FBXL18: variants seen among roughly 807,000 people sequenced by gnomAD.
FBXL18 encodes F-box and leucine rich repeat protein 18.
Under a neutral mutation model 46.0 loss-of-function variants are expected in FBXL18, and 36 were observed. The ratio of observed to expected loss-of-function variants is 0.78; its 90% CI spans 0.60 to 1.03. The LOEUF is 1.03. Among genes scored for constraint, FBXL18 ranks in the 50% least tolerant of loss-of-function variants. The probability of loss-of-function intolerance (pLI) is 0.00; values close to 1 mark genes in which losing one functional copy is unlikely to be tolerated. For synonymous variants in FBXL18, 557 were observed against 465.3 expected, an observed-to-expected ratio of 1.20 and a Z score of -2.54; for missense variants, 977 against 1,004.1, an observed-to-expected ratio of 0.97 and a Z score of 0.36.
At position 5,481,538 on chromosome 7, in the gene FBXL18, C is replaced by A; in HGVS notation, c.*237G>T. The A allele has an allele frequency of 2.1e-6, 1 of 471,368 alleles. No individual in the cohort carries two copies. The highest frequency in any genetic ancestry group is 2.3e-5 in the South Asian group (1 of 44,326). The allele number at this position is 471,368 out of a possible 1,614,324, so 29.2% of individuals were successfully genotyped here. On this transcript the variant is annotated 3_prime_UTR_variant, in exon 5 of 5. Transcript: ENST00000382368. ...GCCTGGTTCAGCCAGCCCCCCACAT[C>A]GACCGTCCCCCGAGCCCCCTCATGT...
intron 1 of FBXL18, among the ~76,000 whole-genome samples, chr7:5,512,966 C>T (rs888991643): frequency 2.0e-5 from 3 of 152,132 alleles, no homozygotes; most frequent in Non-Finnish European, 4.4e-5. Context: ...CGATCTGAGA[C>T]CTGAAAGGTG....
chr7:5,464,345 G>T (rs548428918), intron 4 of FBXL18, among the ~76,000 whole-genome samples: 1 of 152,132 alleles, frequency 6.6e-6, no homozygotes, highest in South Asian at 2.1e-4. Context: ...CAGGCATGGT[G>T]GCGCACATCT....
At chr7:5,473,480 T>G (rs1044245274), downstream of FBXL18, among the ~76,000 whole-genome samples, 1 of 152,062 alleles carries the variant, frequency 6.6e-6, no homozygotes, top group East Asian at 1.9e-4. Flanking sequence ...AGAGCACAAG[T>G]GCCGGGTGCG....
At chr7:5,513,516 G>T in intron 1 of FBXL18, 141 bp downstream of exon 1, 1 of 963,138 alleles carries the variant, frequency 1.0e-6, no homozygotes, top group Non-Finnish European at 1.6e-6. Context: ...CAGGGGCAAG[G>T]CCAGGGTCAG....
chr7:5,499,772 G>A (rs147851344), intron 3 of FBXL18, among the ~76,000 whole-genome samples: 90 of 150,850 alleles, frequency 6.0e-4, no homozygotes, highest in Admixed American at 4.8e-3. Context: ...CAAAGATGGA[G>A]GCCAAGGGTG....
At chr7:5,498,769 T>C (rs1227144817) in intron 3 of FBXL18, among the ~76,000 whole-genome samples, 1 of 151,992 alleles carries the variant, frequency 6.6e-6, no homozygotes, top group East Asian at 1.9e-4. Flanking sequence ...AACAGAGTTT[T>C]ACCATGTTGG....
At chr7:5,462,545 G>C (rs944250554) in intron 4 of FBXL18, among the ~76,000 whole-genome samples, 6 of 152,284 alleles carry the variant, frequency 3.9e-5, no homozygotes, top group African/African-American at 1.4e-4. Context: ...ATGGATTGTG[G>C]CCAAATGAGG....
intron 2 of FBXL18, among the ~76,000 whole-genome samples, chr7:5,504,052 A>C (rs1429741379): frequency 3.3e-5 from 5 of 151,132 alleles, no homozygotes; most frequent in Non-Finnish European, 4.4e-5. Context: ...ACAAAGCTTC[A>C]TGGAGAGGAG....
At chr7:5,462,831 G>T (rs1783267079) in intron 4 of FBXL18, among the ~76,000 whole-genome samples, 1 of 148,934 alleles carries the variant, frequency 6.7e-6, no homozygotes, top group Admixed American at 6.8e-5. Context: ...GGCGCCTATA[G>T]TCCCAGCTAC....
chr7:5,507,084 A>T lies in FBXL18; in HGVS notation c.19-1454T>A, dbSNP rs1431558116. ...TCTGTAAAGACCACGCCGAGGAGAG[A>T]GTGCCCGGAATCATCTCCACTACAT... On this transcript the variant is annotated intron_variant, in intron 1 of 4. Transcript: ENST00000382368. Among the ~76,000 whole-genome samples the T allele has an allele frequency of 5.9e-5, 9 of 152,056 alleles. No individual in the cohort carries two copies. The East Asian group carries it at 1.7e-3, about 29-fold the overall frequency.
downstream of FBXL18, among the ~76,000 whole-genome samples, chr7:5,471,217 G>A (rs1783421904): frequency 6.6e-6 from 1 of 152,190 alleles, no homozygotes; most frequent in South Asian, 2.1e-4. Flanking sequence ...GGCAGCCAAA[G>A]CCTCTCGAGC....
Position 5,501,459 on chromosome 7 carries a change from A to G in FBXL18, c.810T>C (p.Pro270=), listed in dbSNP as rs1375041947. 6.2e-6 allele frequency: 10 copies of G among 1,613,580 alleles called. No individual in the cohort carries two copies. Among genetic ancestry groups the G allele is most frequent in the Non-Finnish European group, 8.5e-6 (10 of 1,180,026 alleles). The change falls in exon 3 of 5, where the codon CCT becomes CCC. Residue 270 remains proline (P), a synonymous_variant. Transcript: ENST00000382368. The part of the protein sequence containing the change: ...QNLHAFLISV[P]GSFAESGATK... ...TGGCGCCGCTCTCCGCGAAGCTGCC[A>G]GGGACGGAGATGAGGAAGGCGTGGA...
chr7:5,508,221 G>A (rs1284700702), intron 1 of FBXL18, among the ~76,000 whole-genome samples: 6 of 148,672 alleles, frequency 4.0e-5, no homozygotes, highest in Middle Eastern at 3.5e-3. Flanking sequence ...AGCTGAGATC[G>A]CGCCACTGCA....
chr7:5,506,870 G>A (rs190358531), intron 1 of FBXL18, among the ~76,000 whole-genome samples: 7 of 152,332 alleles, frequency 4.6e-5, no homozygotes, highest in Admixed American at 2.0e-4. Context: ...TTCCATTGCT[G>A]TAGTTCATAT....
intron 2 of FBXL18, among the ~76,000 whole-genome samples, chr7:5,503,812 C>G (rs531317702): frequency 2.6e-5 from 4 of 152,002 alleles, no homozygotes; most frequent in African/African-American, 9.6e-5. Context: ...ACTAGAAATA[C>G]AAAAATTAGC....
rs1195595456 is a variant in FBXL18, at chr7:5,479,123, A to G, written c.*2652T>C. On this transcript the variant is annotated 3_prime_UTR_variant, in exon 5 of 5. Transcript: ENST00000382368. The stretch of plus-strand genomic sequence containing the variant: ...GGAAATTCTTGCTCTAAGTCAGAGG[A>G]TGGTTGCAGGGGACACTAAAAATAC... 1 of 152,114 alleles carries G rather than the reference A, an allele frequency of 6.6e-6. No individual in the cohort carries two copies. Among genetic ancestry groups the G allele is most frequent in the Admixed American group, 6.5e-5 (1 of 15,268 alleles). 9.4% of individuals were successfully genotyped at this position (152,114 alleles called of 1,614,324 possible).
At chr7:5,464,618 A>G (rs1783314210) in intron 4 of FBXL18, among the ~76,000 whole-genome samples, 1 of 143,280 alleles carries the variant, frequency 7.0e-6, no homozygotes, top group South Asian at 2.4e-4. Flanking sequence ...ACCCGAGATG[A>G]CACCACTGAA....
At chr7:5,494,957 G>C (rs1242118379) in intron 3 of FBXL18, among the ~76,000 whole-genome samples, 2 of 152,238 alleles carry the variant, frequency 1.3e-5, no homozygotes, top group Non-Finnish European at 2.9e-5. Context: ...TTCAGGATGT[G>C]GCAGGCCCAC....
rs142571263 is a variant in FBXL18, at chr7:5,454,886, G to T, written c.2001-7043C>A. Among the ~76,000 whole-genome samples, 13 of 152,348 alleles carry T rather than the reference G, an allele frequency of 8.5e-5. No individual in the cohort carries two copies. The East Asian group carries it at 2.5e-3, about 29-fold the overall frequency. On this transcript the variant is annotated intron_variant and NMD_transcript_variant, in intron 4 of 6. Transcript: ENST00000415009. ...ACCCGAGCTGCCAGTGAGAGAGGAC[G>T]CGCTGCTTGGCTAAGCCGCTGTTGT...
Sources: gnomAD v4.1 joint callset for allele counts (sites outside exome capture counted in the v4.1 genomes callset) on GRCh38, gnomAD v4.1.1 for gene constraint, MANE v1.5 for transcripts, NCBI Gene and HGNC (gene_info 2026-07-23, HGNC 2026-07-21) for gene names.